MED27: variants seen among roughly 807,000 people sequenced by gnomAD.
The protein encoded by MED27 is mediator of RNA polymerase II transcription subunit 27.
MED27 carries 30 observed loss-of-function variants against 38.2 expected under a neutral mutation model. The ratio of observed to expected loss-of-function variants is 0.79; its 90% CI spans 0.59 to 1.07. The LOEUF (loss-of-function observed/expected upper bound fraction) is 1.07, where lower values mean the gene tolerates loss of function less well. MED27 is among the 50% of genes least tolerant of loss of function. The pLI is 0.00. For missense variants in MED27, 289 were observed against 397.5 expected (o/e 0.73, Z 2.32); for synonymous variants, 122 against 153.5 (o/e 0.79, Z 1.52).
intron 2 of MED27, among the ~76,000 whole-genome samples, chr9:132,041,139 G>A (rs1179607454): frequency 1.3e-5 from 2 of 152,188 alleles, no homozygotes; most frequent in Non-Finnish European, 2.9e-5. Flanking sequence ...AAAGAGCAAA[G>A]GGAAAAAGAG....
chr9:131,928,641 C>T (rs766072386), intron 4 of MED27, among the ~76,000 whole-genome samples: 3 of 152,178 alleles, frequency 2.0e-5, no homozygotes, highest in Middle Eastern at 3.2e-3. Flanking sequence ...CTGGGCTCAG[C>T]TGATGCCATA....
intron 2 of MED27, among the ~76,000 whole-genome samples, chr9:132,062,356 C>T (rs1433627565): frequency 2.0e-5 from 3 of 152,188 alleles, no homozygotes; most frequent in Non-Finnish European, 4.4e-5. Flanking sequence ...GGCTGCCTCA[C>T]CCCAACTTGG....
chr9:131,973,688 G>GCTA (rs764988363), intron 3 of MED27, among the ~76,000 whole-genome samples: 3 of 151,794 alleles, frequency 2.0e-5, no homozygotes, highest in Non-Finnish European at 2.9e-5. Flanking sequence ...ACATCCTTGA[G>GCTA]CTACTGAATT....
intron 4 of MED27, among the ~76,000 whole-genome samples, chr9:131,929,591 C>G (rs1056196308): frequency 6.6e-6 from 1 of 152,112 alleles, no homozygotes; most frequent in African/African-American, 2.4e-5. Flanking sequence ...CTGAAGGGCC[C>G]CCGGACTTTC....
rs189529721 is a variant in MED27, at chr9:131,889,952, C to T, written c.681+3933G>A. On this transcript the variant is annotated intron_variant, in intron 5 of 7. Transcript: ENST00000292035. This position sits in a 1 kb window ranked among gnomAD's most constrained non-coding sequence, Gnocchi z 4.2. ...GCAGGCTGCGTCCCGGGAGCAGCGA[C>T]GTCTCCAGCAACAACGTGCTCTTGT... Among the ~76,000 whole-genome samples the T allele has an allele frequency of 3.3e-5, 5 of 152,282 alleles. No homozygotes were observed. The highest frequency in any genetic ancestry group is 4.1e-4 in the South Asian group (2 of 4,824).
chr9:131,929,676 T>C (rs1481487671), intron 4 of MED27, among the ~76,000 whole-genome samples: 1 of 152,152 alleles, frequency 6.6e-6, no homozygotes, highest in Non-Finnish European at 1.5e-5. Context: ...GAGGCTCTTC[T>C]GCCTGTGGAA....
chr9:131,893,863 C>T (rs2094538554), intron 5 of MED27, 22 bp downstream of exon 5: 10 of 1,573,754 alleles, frequency 6.4e-6, no homozygotes, highest in Non-Finnish European at 8.7e-6. Flanking sequence ...CCAAGGAACA[C>T]ACAAGACTGC....
chr9:131,960,188 G>C (rs1160332503), intron 3 of MED27, among the ~76,000 whole-genome samples: 1 of 152,186 alleles, frequency 6.6e-6, no homozygotes, highest in African/African-American at 2.4e-5. Context: ...AACGGCTTTA[G>C]AAATAGAAGC....
At chr9:132,039,857 C>T (rs1015478356) in intron 2 of MED27, among the ~76,000 whole-genome samples, 1 of 152,228 alleles carries the variant, frequency 6.6e-6, no homozygotes, top group African/African-American at 2.4e-5. Context: ...CACCACTCGC[C>T]TCTGTGACTG....
At chr9:131,932,134 T>A (rs901642236) in intron 4 of MED27, among the ~76,000 whole-genome samples, 1 of 151,396 alleles carries the variant, frequency 6.6e-6, no homozygotes. Context: ...ACAAAACAAG[T>A]CTTAACACAT....
rs150870915 is a variant in MED27, at chr9:131,967,760, T to C, written c.480-28286A>G. Among the ~76,000 whole-genome samples, 145 of 151,880 alleles carry C rather than the reference T, an allele frequency of 9.5e-4. 1 individual carries two copies. Among genetic ancestry groups the C allele is most frequent in the African/African-American group, 3.3e-3 (138 of 41,450 alleles). On this transcript the variant is annotated intron_variant, in intron 3 of 7. Transcript: ENST00000292035. ...CAGGTGATCCGCCCTCCTCAGGTGA[T>C]TCGGCCTCCCAAAGTGTTGGGATTA...
chr9:131,940,049 G>A (rs961874232), intron 3 of MED27, among the ~76,000 whole-genome samples: 1 of 151,798 alleles, frequency 6.6e-6, no homozygotes, highest in Non-Finnish European at 1.5e-5. Context: ...TGGGACTACA[G>A]GCGATCCCCA....
At chr9:131,933,607 A>C (rs1396950904) in intron 4 of MED27, among the ~76,000 whole-genome samples, 1 of 152,144 alleles carries the variant, frequency 6.6e-6, no homozygotes, top group Admixed American at 6.5e-5. Flanking sequence ...AATGAAAACT[A>C]TAAAACACTG....
At chr9:131,869,466 G>A (rs1265538708) in intron 6 of MED27, 46 of 944,974 alleles carry the variant, frequency 4.9e-5, no homozygotes, top group East Asian at 1.2e-4. Context: ...CCCATTGTGC[G>A]GCAAAGCTAA....
At position 132,051,943 on chromosome 9, in the gene MED27, A is replaced by G. The variant is rs1211979611; in HGVS notation, c.348+25499T>C. ...GAGAAAGTTTAGCTTATAATAGTTG[A>G]TCAAAAGATGAATAAAACAAAACAA... On this transcript the variant is annotated intron_variant, in intron 2 of 7. Coordinates refer to ENST00000292035, the MANE Select transcript of MED27 (RefSeq NM_004269.4). The surrounding 1 kb of genome is among the most constrained non-coding windows in gnomAD (Gnocchi z 4.2). 1.3e-5 allele frequency among the ~76,000 whole-genome samples: 2 copies of G among 152,228 alleles called. No individual in the cohort carries two copies. Among genetic ancestry groups the G allele is most frequent in the Non-Finnish European group, 2.9e-5 (2 of 68,046 alleles).
At chr9:132,011,086 T>C (rs1231699065) in intron 3 of MED27, among the ~76,000 whole-genome samples, 5 of 152,186 alleles carry the variant, frequency 3.3e-5, no homozygotes, top group African/African-American at 9.7e-5. Flanking sequence ...AGATGGATAT[T>C]GATATGCAAA....
chr9:131,953,705 C>CT (rs1447563884), intron 3 of MED27, among the ~76,000 whole-genome samples: 7 of 152,102 alleles, frequency 4.6e-5, no homozygotes, highest in African/African-American at 1.4e-4. Context: ...TTTAGAAACA[C>CT]TATCTTACAG....
intron 3 of MED27, among the ~76,000 whole-genome samples, chr9:131,946,104 T>C (rs1214189029): frequency 6.6e-6 from 1 of 152,174 alleles, no homozygotes; most frequent in Non-Finnish European, 1.5e-5. Flanking sequence ...GGCTGAATGG[T>C]ATTCCACTGT....
At chr9:131,924,717 C>T (rs948171833) in intron 4 of MED27, among the ~76,000 whole-genome samples, 51 of 152,132 alleles carry the variant, frequency 3.4e-4, no homozygotes, top group South Asian at 6.2e-4. Context: ...TCTAATGATA[C>T]AGGTTTTAGG....
Sources: gnomAD v4.1 joint callset for allele counts (sites outside exome capture counted in the v4.1 genomes callset) on GRCh38, gnomAD v4.1.1 for gene constraint, Gnocchi (gnomAD v3.1) non-coding constraint, MANE v1.5 for transcripts, NCBI Gene and HGNC (gene_info 2026-07-23, HGNC 2026-07-21) for gene names.